KLHL18: variants seen among roughly 807,000 people sequenced by gnomAD.
The protein encoded by KLHL18 is kelch-like protein 18.
A neutral mutation model predicts 58.5 loss-of-function variants in KLHL18; 38 were observed. The observed-to-expected ratio is 0.65, with a 90% CI of 0.50 to 0.85. The LOEUF is 0.85. Among genes scored for constraint, KLHL18 ranks in the 40% least tolerant of loss-of-function variants. KLHL18 has a pLI of 0.00. For synonymous variants in KLHL18, 303 were observed against 301.9 expected (o/e 1.00, Z -0.04); for missense variants, 624 against 778.4 (o/e 0.80, Z 2.36).
intron 1 of KLHL18, chr3:47,283,431 C>T (rs975258592): frequency 6.5e-5 from 23 of 353,642 alleles, no homozygotes; most frequent in Admixed American, 5.6e-4. Flanking sequence ...GTGGCCGGCT[C>T]CACATGCTGA....
At chr3:47,327,254 GA>G (rs879651175) in intron 3 of KLHL18, among the ~76,000 whole-genome samples, 30 of 150,174 alleles carry the variant, frequency 2.0e-4, no homozygotes, top group African/African-American at 4.7e-4. Flanking sequence ...AAACAAAAGG[GA>G]AAAAAAAAGG....
intron 4 of KLHL18, among the ~76,000 whole-genome samples, chr3:47,332,061 T>G (rs1703876699): frequency 6.6e-6 from 1 of 151,968 alleles, no homozygotes; most frequent in Non-Finnish European, 1.5e-5. Context: ...GTTAGAAACT[T>G]AAGGAAGGCC....
intron 1 of KLHL18, among the ~76,000 whole-genome samples, chr3:47,312,849 A>T (rs1258615216): frequency 1.3e-5 from 2 of 151,396 alleles, no homozygotes; most frequent in Non-Finnish European, 2.9e-5. Flanking sequence ...TTTTGAGATA[A>T]TTGTAGAATC....
intron 2 of KLHL18, 47 bp downstream of exon 2, chr3:47,319,830 GT>G: frequency 1.9e-6 from 3 of 1,604,794 alleles, no homozygotes; most frequent in Non-Finnish European, 2.6e-6. Flanking sequence ...TCCAAGTGCA[GT>G]TTCAGCCTGT....
At chr3:47,328,713 G>T (rs1000363506) in intron 3 of KLHL18, among the ~76,000 whole-genome samples, 1 of 152,114 alleles carries the variant, frequency 6.6e-6, no homozygotes, top group African/African-American at 2.4e-5. Context: ...ATCTGTGAGT[G>T]CGTTACTACT....
chr3:47,310,043 G>A (rs1028838388), intron 1 of KLHL18, among the ~76,000 whole-genome samples: 4 of 152,174 alleles, frequency 2.6e-5, no homozygotes, highest in African/African-American at 9.7e-5. Context: ...TATATTCATT[G>A]TGAGCTCCTG....
At chr3:47,293,381 A>G (rs1164778208) in intron 1 of KLHL18, among the ~76,000 whole-genome samples, 1 of 152,240 alleles carries the variant, frequency 6.6e-6, no homozygotes, top group African/African-American at 2.4e-5. Context: ...TGTAGACACT[A>G]AAAACAATTT....
intron 1 of KLHL18, among the ~76,000 whole-genome samples, chr3:47,292,591 A>G (rs981068231): frequency 6.6e-6 from 1 of 152,020 alleles, no homozygotes; most frequent in African/African-American, 2.4e-5. Context: ...AGGGTCTACC[A>G]CTGGGTGAAT....
At chr3:47,309,953 T>G (rs767617657) in intron 1 of KLHL18, among the ~76,000 whole-genome samples, 2 of 129,880 alleles carry the variant, frequency 1.5e-5, no homozygotes, top group African/African-American at 5.8e-5. Flanking sequence ...CAGTCCAGCT[T>G]CGGCTCGGCA....
intron 1 of KLHL18, among the ~76,000 whole-genome samples, chr3:47,310,011 T>TG (rs1703260439): frequency 6.7e-6 from 1 of 148,234 alleles, no homozygotes; most frequent in Non-Finnish European, 1.5e-5. Flanking sequence ...AGGGGGAGGT[T>TG]AACTGTTCTT....
intron 5 of KLHL18, 65 bp downstream of exon 5, chr3:47,333,382 C>A: frequency 6.8e-7 from 1 of 1,480,396 alleles, no homozygotes; most frequent in Non-Finnish European, 9.2e-7. Context: ...GAGTTGGCCA[C>A]CTGTTCCAGT....
chr3:47,330,224 T>A, intron 4 of KLHL18, 75 bp downstream of exon 4: 1 of 1,362,892 alleles, frequency 7.3e-7, no homozygotes, highest in Admixed American at 1.9e-5. Flanking sequence ...TGTTTATGTA[T>A]TTTTTTACAA....
intron 1 of KLHL18, among the ~76,000 whole-genome samples, chr3:47,309,807 G>C (rs975504286): frequency 1.3e-5 from 2 of 152,200 alleles, no homozygotes; most frequent in African/African-American, 2.4e-5. Flanking sequence ...AGACCAGCCC[G>C]GCCAACACAG....
chr3:47,309,156 CT>C (rs1703222333), intron 1 of KLHL18, among the ~76,000 whole-genome samples: 1 of 152,206 alleles, frequency 6.6e-6, no homozygotes, highest in Non-Finnish European at 1.5e-5. Context: ...ATGGAGTCTC[CT>C]ATGTCTACTT....
intron 1 of KLHL18, among the ~76,000 whole-genome samples, chr3:47,295,272 T>A (rs902429920): frequency 8.5e-5 from 13 of 152,196 alleles, no homozygotes; most frequent in African/African-American, 3.1e-4. Flanking sequence ...ACAGCCATTC[T>A]GGTTGACTTC....
At chr3:47,321,156 A>C (rs963056354) in intron 2 of KLHL18, among the ~76,000 whole-genome samples, 1 of 151,686 alleles carries the variant, frequency 6.6e-6, no homozygotes, top group Non-Finnish European at 1.5e-5. Flanking sequence ...CATTCTGCCA[A>C]CCTTTTTTTT....
At chr3:47,310,034 A>G (rs1229696378) in intron 1 of KLHL18, among the ~76,000 whole-genome samples, 1 of 152,116 alleles carries the variant, frequency 6.6e-6, no homozygotes, top group Non-Finnish European at 1.5e-5. Flanking sequence ...TGCCTTATGT[A>G]TATTCATTGT....
At chr3:47,340,451 T>C (rs1414393688) in intron 7 of KLHL18, 121 bp from the exon 8 acceptor site, 4 of 1,456,764 alleles carry the variant, frequency 2.7e-6, no homozygotes, top group Non-Finnish European at 3.8e-6. Flanking sequence ...CTTTACTTAG[T>C]CACATACCTT....
At chr3:47,317,086 C>T (rs960989702) in intron 1 of KLHL18, among the ~76,000 whole-genome samples, 47 of 152,218 alleles carry the variant, frequency 3.1e-4, no homozygotes, top group Admixed American at 1.3e-3. Context: ...TGTACATAGA[C>T]CCCTTCTTAT....
Sources: gnomAD v4.1 joint callset for allele counts (sites outside exome capture counted in the v4.1 genomes callset) on GRCh38, gnomAD v4.1.1 for gene constraint, MANE v1.5 for transcripts, NCBI Gene and HGNC (gene_info 2026-07-23, HGNC 2026-07-21) for gene names.